DNAH6: variants seen among roughly 807,000 people sequenced by gnomAD.
DNAH6 encodes dynein axonemal heavy chain 6, also known as axonemal beta dynein heavy chain 6.
A neutral mutation model predicts 491.4 loss-of-function variants in DNAH6; 340 were observed. The observed-to-expected ratio is 0.69, with a 90% confidence interval of 0.63 to 0.76. DNAH6 has a LOEUF of 0.76. Among genes scored for constraint, DNAH6 ranks in the 30% least tolerant of loss-of-function variants. The pLI, the probability that DNAH6 is intolerant of heterozygous loss-of-function variation, is 0.00. For synonymous variants in DNAH6, 1,603 were observed against 1,686.1 expected, an observed-to-expected ratio of 0.95 and a Z score of 1.21; for missense variants, 4,443 against 4,972.2, an observed-to-expected ratio of 0.89 and a Z score of 3.20.
rs555898899 is a variant in DNAH6 at position 84,715,509 on chromosome 2, T to C, written c.9544-51T>C. Reference sequence around the variant, plus strand: ...GCTGTGTTCTAATAAAGAAAGGTATTTTATTAGTTTGCACTTAAGCATTTT... The same window carrying C: ...GCTGTGTTCTAATAAAGAAAGGTATCTTATTAGTTTGCACTTAAGCATTTT... On this transcript the variant is annotated intron_variant, in intron 57 of 76. Coordinates refer to ENST00000389394, the MANE Select transcript of DNAH6 (RefSeq NM_001370.2). 2.6e-6 allele frequency: 4 copies of C among 1,512,136 alleles called. No homozygotes were observed. The Admixed American group carries it at 7.9e-5, about 30-fold the overall frequency. 93.7% of individuals were successfully genotyped at this position (1,512,136 alleles called of 1,614,324 possible).
At chr2:84,461,192 C>A in the DNAH6 span, among the ~76,000 whole-genome samples, 1 of 152,192 alleles carries the variant, frequency 6.6e-6, no homozygotes, top group Admixed American at 6.5e-5. Context: ...AAGTTAATCA[C>A]TTATGTCTTT....
chr2:84,584,033 C>T lies in DNAH6; in HGVS notation c.2264C>T (p.Thr755Ile). Residue 755 changes from threonine (T) to isoleucine (I), a missense_variant, in exon 15 of 77, where the codon ACT becomes ATT. By Grantham distance (89) the Thr-to-Ile change is moderately conservative (BLOSUM62 -1). Transcript: ENST00000389394. ...CTTGAAGATGAGGGGAATATAGTGA[C>T]TCAAATGTACAAGCTTATGGAACAA... ...ESLEDEGNIV[T>I]QMYKLMEQYQ... 1.2e-6 allele frequency: 2 copies of T among 1,614,136 alleles called. No homozygotes were observed. The highest frequency in any genetic ancestry group is 1.1e-5 in the South Asian group (1 of 91,072).
intron 67 of DNAH6, among the ~76,000 whole-genome samples, chr2:84,786,040 G>A (rs751996323): frequency 6.6e-6 from 1 of 152,098 alleles, no homozygotes; most frequent in Admixed American, 6.5e-5. Context: ...TTCCTCATAG[G>A]TGGCATATTT....
chr2:84,552,948 G>T lies in DNAH6; in HGVS notation c.1516G>T (p.Asp506Tyr), dbSNP rs2104567592. Residue 506 changes from aspartate (D) to tyrosine (Y), a missense_variant, in exon 10 of 77, where the codon GAT becomes TAT. By Grantham distance (160) the Asp-to-Tyr change is radical. Coordinates refer to ENST00000389394, the MANE Select transcript of DNAH6 (RefSeq NM_001370.2). ...GTLMVEKQEE[D>Y]ESLIPMFLTE... Reference sequence around the variant, plus strand: ...CCTTATGGTGGAAAAGCAAGAAGAAGATGAATCTCTCATCCCCATGTTTCT... The same window carrying T: ...CCTTATGGTGGAAAAGCAAGAAGAATATGAATCTCTCATCCCCATGTTTCT... 6.2e-7 allele frequency: 1 copy of T among 1,611,710 alleles called. No homozygotes were observed. Among genetic ancestry groups the T allele is most frequent in the East Asian group, 2.2e-5 (1 of 44,680 alleles).
intron 39 of DNAH6, among the ~76,000 whole-genome samples, chr2:84,670,991 A>G (rs752163578): frequency 3.3e-5 from 5 of 152,052 alleles, no homozygotes; most frequent in Non-Finnish European, 7.4e-5. Context: ...CCAATACCCA[A>G]TTCAAAGTTC....
intron 39 of DNAH6, among the ~76,000 whole-genome samples, chr2:84,670,897 C>A (rs1409610451): frequency 6.6e-6 from 1 of 152,206 alleles, no homozygotes; most frequent in Non-Finnish European, 1.5e-5. Context: ...CTTCCCCACC[C>A]TCCCTTATTA....
intron 17 of DNAH6, among the ~76,000 whole-genome samples, chr2:84,595,210 GT>G (rs767055360): frequency 2.6e-5 from 4 of 152,090 alleles, no homozygotes; most frequent in Admixed American, 6.6e-5. Flanking sequence ...ATATTTATAT[GT>G]TTACATAATT....
chr2:84,611,210 C>T (rs1686292004), intron 21 of DNAH6, among the ~76,000 whole-genome samples: 1 of 115,686 alleles, frequency 8.6e-6, no homozygotes, highest in Non-Finnish European at 1.7e-5. Context: ...ACTACATATG[C>T]TGACATGAGC....
intron 2 of DNAH6, 149 bp downstream of exon 2, chr2:84,518,200 C>A (rs1464172501): frequency 1.6e-6 from 1 of 635,622 alleles, no homozygotes; most frequent in Non-Finnish European, 2.7e-6. Context: ...GTTGTAAATA[C>A]GGTAAATATT....
chr2:84,784,243 T>C (rs1010345271), intron 65 of DNAH6, among the ~76,000 whole-genome samples: 1 of 152,246 alleles, frequency 6.6e-6, no homozygotes, highest in East Asian at 1.9e-4. Flanking sequence ...ACACATGAGG[T>C]CTCTCCATAT....
At chr2:84,726,920 G>A (rs865935964) in intron 60 of DNAH6, among the ~76,000 whole-genome samples, 1 of 152,040 alleles carries the variant, frequency 6.6e-6, no homozygotes, top group Non-Finnish European at 1.5e-5. Flanking sequence ...TATAATATGG[G>A]GCACCTTTGT....
chr2:84,669,074 A>T (rs915403989), intron 37 of DNAH6, among the ~76,000 whole-genome samples: 2 of 152,168 alleles, frequency 1.3e-5, no homozygotes, highest in African/African-American at 4.8e-5. Flanking sequence ...GTTTTAATAT[A>T]ATCGGTATAA....
chr2:84,614,833 T>C (rs1359810548), intron 22 of DNAH6, among the ~76,000 whole-genome samples: 1 of 152,102 alleles, frequency 6.6e-6, no homozygotes, highest in South Asian at 2.1e-4. Flanking sequence ...CTTTTGAGAA[T>C]TGTCTATTCA....
chr2:84,691,453 C>G (rs747774150), intron 45 of DNAH6, among the ~76,000 whole-genome samples: 3 of 152,232 alleles, frequency 2.0e-5, no homozygotes, highest in Non-Finnish European at 4.4e-5. Flanking sequence ...AAATAGACAT[C>G]TGATGTGTCT....
In DNAH6 at chr2:84,814,921, A is replaced by T. The variant is rs372032300; in HGVS notation, c.12150+799A>T. Among the ~76,000 whole-genome samples the T allele has an allele frequency of 1.3e-4, 20 of 152,342 alleles. No homozygotes were observed. The East Asian group carries it at 3.3e-3, about 25-fold the overall frequency. On this transcript the variant is annotated intron_variant, in intron 75 of 76. Coordinates refer to ENST00000389394, the MANE Select transcript of DNAH6 (RefSeq NM_001370.2). The stretch of plus-strand genomic sequence containing the variant: ...TGGTGTGAAAGAAACAGCCAGTGTC[A>T]TGTGACCAGCACATATACTGGTCTA...
At chr2:84,685,224 A>G (rs1379029241) in intron 42 of DNAH6, 102 bp from the exon 43 acceptor site, 2 of 820,438 alleles carry the variant, frequency 2.4e-6, no homozygotes, top group African/African-American at 3.4e-5. Flanking sequence ...TTTTGGCAAT[A>G]TGAGGGTAAA....
At chr2:84,460,817 T>C in the DNAH6 span, among the ~76,000 whole-genome samples, 3 of 152,232 alleles carry the variant, frequency 2.0e-5, no homozygotes, top group Non-Finnish European at 4.4e-5. Flanking sequence ...GTTTCAGTGC[T>C]GACTGAGTGG....
At chr2:84,652,198 A>G (rs1207404925) in intron 33 of DNAH6, among the ~76,000 whole-genome samples, 1 of 152,054 alleles carries the variant, frequency 6.6e-6, no homozygotes, top group African/African-American at 2.4e-5. Context: ...TTTTATTTAA[A>G]TAGATTAAAT....
At chr2:84,726,730 A>G (rs543011105) in intron 60 of DNAH6, among the ~76,000 whole-genome samples, 1 of 152,288 alleles carries the variant, frequency 6.6e-6, no homozygotes, top group East Asian at 1.9e-4. Flanking sequence ...ATATGTAACA[A>G]ACCTGCACAT....
Sources: allele counts gnomAD v4.1 joint callset (sites outside exome capture counted in the v4.1 genomes callset), GRCh38; gene constraint gnomAD v4.1.1; transcripts MANE v1.5; gene names NCBI Gene and HGNC (gene_info 2026-07-23, HGNC 2026-07-21).